The following TBC1D22B variants were observed in gnomAD, a reference collection of about 807,000 sequenced individuals.
The protein encoded by TBC1D22B is chromosome 6 open reading frame 197.
In TBC1D22B, 32 loss-of-function variants were observed where a neutral mutation model predicts 69.1. The ratio of observed to expected loss-of-function variants is 0.46; its 90% confidence interval spans 0.35 to 0.62. TBC1D22B has a LOEUF of 0.62. Ranked by LOEUF, TBC1D22B falls within the 20% of genes least tolerant of loss-of-function variation. TBC1D22B has a pLI of 0.00. For missense variants in TBC1D22B, 462 were observed against 630.9 expected, an observed-to-expected ratio of 0.73 and a Z score of 2.87; for synonymous variants, 206 against 229.8, an observed-to-expected ratio of 0.90 and a Z score of 0.94.
intron 12 of TBC1D22B, among the ~76,000 whole-genome samples, chr6:37,318,952 G>T (rs146974683): frequency 1.7e-3 from 261 of 152,284 alleles, no homozygotes; most frequent in Non-Finnish European, 3.2e-3. Context: ...AGGGGGAAAA[G>T]CCAGAGAAAG....
At chr6:37,323,123 G>C (rs1030708270) in intron 12 of TBC1D22B, among the ~76,000 whole-genome samples, 3 of 152,162 alleles carry the variant, frequency 2.0e-5, no homozygotes, top group Admixed American at 2.0e-4. Context: ...CAGAACATGG[G>C]AGCCCAGGAA....
intron 12 of TBC1D22B, among the ~76,000 whole-genome samples, chr6:37,330,314 C>T (rs1768548193): frequency 6.7e-6 from 1 of 148,596 alleles, no homozygotes; most frequent in African/African-American, 2.5e-5. Flanking sequence ...TCTGGGCTCC[C>T]TGCAACCTCC....
intron 10 of TBC1D22B, 49 bp downstream of exon 10, chr6:37,313,940 G>T (rs778386806): frequency 6.4e-7 from 1 of 1,567,724 alleles, no homozygotes; most frequent in South Asian, 1.1e-5. Flanking sequence ...AGTTGATTCT[G>T]TTATGAGGCG....
Position 37,277,057 on chromosome 6 carries a change from C to T in TBC1D22B, c.114-2247C>T, listed in dbSNP as rs192081777. ...TTAGAACCTGACAGGCAGCCTGGCC[C>T]GTCTCTCCCTGTAGTGTGTTCATCC... On this transcript the variant is annotated intron_variant, in intron 2 of 12. Coordinates refer to ENST00000373491, the MANE Select transcript of TBC1D22B (RefSeq NM_017772.4). 5.0e-3 allele frequency among the ~76,000 whole-genome samples: 766 copies of T among 152,202 alleles called. 4 individuals carry two copies. The highest frequency in any genetic ancestry group is 0.017 in the African/African-American group (699 of 41,504).
At chr6:37,263,167 G>T (rs1298961895) in intron 1 of TBC1D22B, among the ~76,000 whole-genome samples, 1 of 152,160 alleles carries the variant, frequency 6.6e-6, no homozygotes, top group Non-Finnish European at 1.5e-5. Context: ...GGTGGCAAGG[G>T]GGCTACAGAA....
chr6:37,293,171 G>A lies in TBC1D22B; in HGVS notation c.982+1814G>A, dbSNP rs149977014. On this transcript the variant is annotated intron_variant, in intron 8 of 12. Coordinates refer to ENST00000373491, the MANE Select transcript of TBC1D22B (RefSeq NM_017772.4). ...CGGCTCACAGCAACCTCCGCTGCCC[G>A]GGTTCAAGCGATTCTTGTGCCTCAG... Among the ~76,000 whole-genome samples, 1,379 of 151,464 alleles carry A rather than the reference G, an allele frequency of 9.1e-3. 22 individuals are homozygous for A. Among genetic ancestry groups the A allele is most frequent in the African/African-American group, 0.031 (1,271 of 41,168 alleles).
At chr6:37,276,659 G>A (rs756925468) in intron 2 of TBC1D22B, among the ~76,000 whole-genome samples, 2 of 152,166 alleles carry the variant, frequency 1.3e-5, no homozygotes, top group Non-Finnish European at 2.9e-5. Context: ...GGTCAGGCAT[G>A]GTGGCTCATA....
rs141955865 is a variant in TBC1D22B, at chr6:37,302,737, G to A, written c.983-10181G>A. On this transcript the variant is annotated intron_variant, in intron 8 of 12. Coordinates refer to ENST00000373491, the MANE Select transcript of TBC1D22B (RefSeq NM_017772.4). ...CTCCGCAGACCTCTGACTTGTGTCC[G>A]GTTCCCTACATGGCATTTCCACCTG... 1.7e-3 allele frequency among the ~76,000 whole-genome samples: 254 copies of A among 152,280 alleles called. 2 individuals are homozygous for A. The highest frequency in any genetic ancestry group is 2.6e-3 in the Non-Finnish European group (175 of 68,016).
At chr6:37,323,019 G>A (rs919330948) in intron 12 of TBC1D22B, among the ~76,000 whole-genome samples, 1 of 152,152 alleles carries the variant, frequency 6.6e-6, no homozygotes, top group African/African-American at 2.4e-5. Context: ...GTGTGCCTGA[G>A]TCAGAGGGGA....
At chr6:37,327,658 G>A (rs935311579) in intron 12 of TBC1D22B, among the ~76,000 whole-genome samples, 4 of 152,168 alleles carry the variant, frequency 2.6e-5, no homozygotes, top group Admixed American at 2.0e-4. Flanking sequence ...TAAAGGCAGA[G>A]TTTTTAAAAG....
chr6:37,315,117 A>G (rs1029217235), intron 10 of TBC1D22B, among the ~76,000 whole-genome samples: 1 of 152,190 alleles, frequency 6.6e-6, no homozygotes, highest in Non-Finnish European at 1.5e-5. Flanking sequence ...TTCAACAGGC[A>G]GATGCTGTGG....
chr6:37,330,222 C>CTTTTTTTTTTTTTTTTTTTTTT (rs67372032), intron 12 of TBC1D22B, among the ~76,000 whole-genome samples: 1 of 75,568 alleles, frequency 1.3e-5, no homozygotes, highest in African/African-American at 5.6e-5. Context: ...TTGTCCGTTT[C>CTTTTTTTTTTTTTTTTTTTTTT]TTTTTTTTTT....
rs972203000 is a variant in TBC1D22B, at chr6:37,332,889, A to AT, written c.*1724dup. 1.0e-4 allele frequency: 16 copies of AT among 152,466 alleles called. No individual in the cohort carries two copies. The highest frequency in any genetic ancestry group is 3.1e-4 in the African/African-American group (13 of 41,428). 9.4% of individuals were successfully genotyped at this position (152,466 alleles called of 1,614,324 possible). ...ACTTGTGTTCCCAAGTGGTGGTTTT[A>AT]TTTTTTTAGTTTTTATGTTTGTATG... On this transcript the variant is annotated 3_prime_UTR_variant, in exon 13 of 13. Transcript: ENST00000373491.
chr6:37,271,957 T>G (rs1349940821), intron 2 of TBC1D22B, among the ~76,000 whole-genome samples: 3 of 151,940 alleles, frequency 2.0e-5, no homozygotes. Context: ...GAACAGCATG[T>G]GGCACGTAGT....
chr6:37,259,809 A>G (rs1385142514), intron 1 of TBC1D22B, among the ~76,000 whole-genome samples: 1 of 152,222 alleles, frequency 6.6e-6, no homozygotes, highest in Non-Finnish European at 1.5e-5. Flanking sequence ...ATGAAATGAG[A>G]AATAAAAATA....
intron 8 of TBC1D22B, among the ~76,000 whole-genome samples, chr6:37,308,955 A>G (rs1485339174): frequency 6.7e-6 from 1 of 149,652 alleles, no homozygotes; most frequent in Non-Finnish European, 1.5e-5. Context: ...AAAAAAAAAA[A>G]AAAAAAGACA....
At chr6:37,304,854 A>G (rs1767662332) in intron 8 of TBC1D22B, among the ~76,000 whole-genome samples, 1 of 152,220 alleles carries the variant, frequency 6.6e-6, no homozygotes, top group South Asian at 2.1e-4. Context: ...AAAAACAGAT[A>G]TTTGTAGGAT....
intron 12 of TBC1D22B, among the ~76,000 whole-genome samples, chr6:37,327,495 A>AAT (rs1768457083): frequency 1.1e-5 from 1 of 93,796 alleles, no homozygotes. Flanking sequence ...AAAAAAAAAA[A>AAT]AAAAAAAAAA....
At chr6:37,320,857 G>A (rs546228128) in intron 12 of TBC1D22B, among the ~76,000 whole-genome samples, 3 of 152,314 alleles carry the variant, frequency 2.0e-5, no homozygotes, top group African/African-American at 4.8e-5. Flanking sequence ...TGGATCCTCC[G>A]GGCCCGTGGC....
Sources: gnomAD v4.1 joint callset for allele counts (sites outside exome capture counted in the v4.1 genomes callset) on GRCh38, gnomAD v4.1.1 for gene constraint, MANE v1.5 for transcripts, NCBI Gene and HGNC (gene_info 2026-07-23, HGNC 2026-07-21) for gene names.